SERAC1: variants seen among roughly 807,000 people sequenced by gnomAD.
SERAC1 encodes protein SERAC1.
A neutral mutation model predicts 85.7 loss-of-function variants in SERAC1; 36 were observed. That is an observed-to-expected ratio of 0.42 (90% CI 0.32 to 0.55). SERAC1 has a LOEUF of 0.55. SERAC1 is among the 20% of genes least tolerant of loss of function. SERAC1 has a pLI of 0.11. For synonymous variants in SERAC1, 242 were observed against 265.3 expected (o/e 0.91, Z 0.85); for missense variants, 629 against 796.2 (o/e 0.79, Z 2.53).
chr6:158,165,128 T>A (rs187126315), intron 1 of SERAC1, among the ~76,000 whole-genome samples: 1 of 152,174 alleles, frequency 6.6e-6, no homozygotes, highest in Non-Finnish European at 1.5e-5. Context: ...GTAACACAGC[T>A]GATTCCAACA....
At chr6:158,158,682 T>C (rs931812638) in intron 1 of SERAC1, 2 of 211,388 alleles carry the variant, frequency 9.5e-6, no homozygotes, top group Admixed American at 1.1e-4. Context: ...GTAACAAGAA[T>C]AGACAGACTA....
intron 16 of SERAC1, chr6:158,112,729 C>T (rs1323052060): frequency 6.6e-6 from 1 of 150,446 alleles, no homozygotes; most frequent in African/African-American, 2.5e-5. Context: ...ACCACCAGAA[C>T]AGCACCTAAG....
chr6:158,165,021 C>T (rs1309714372), intron 1 of SERAC1, among the ~76,000 whole-genome samples: 4 of 152,228 alleles, frequency 2.6e-5, no homozygotes, highest in East Asian at 1.9e-4. Context: ...TAGAAGAATC[C>T]GAGTCCCTGA....
Position 158,143,200 on chromosome 6 carries a change from A to C in SERAC1, c.610-16T>G. The C allele has an allele frequency of 6.2e-7, 1 of 1,608,910 alleles. No individual in the cohort carries two copies. The highest frequency in any genetic ancestry group is 8.5e-7 in the Non-Finnish European group (1 of 1,178,682). On this transcript the variant is annotated splice_polypyrimidine_tract_variant and intron_variant, in intron 7 of 16. Coordinates refer to ENST00000647468, the MANE Select transcript of SERAC1 (RefSeq NM_032861.4). ...TGGAAGAATCCTGAAATAAAAGGAAAGGAAATTCTTCATAAATACTCAACA... is the reference window on the plus strand; with the variant it reads ...TGGAAGAATCCTGAAATAAAAGGAACGGAAATTCTTCATAAATACTCAACA...
chr6:158,116,186 T>G lies in SERAC1; in HGVS notation c.1500A>C (p.Gly500=), dbSNP rs1303864766. 8.1e-6 allele frequency: 13 copies of G among 1,613,192 alleles called. No individual in the cohort carries two copies. The highest frequency in any genetic ancestry group is 1.0e-5 in the Non-Finnish European group (12 of 1,179,200). ...RPVVWISHSM[G]GLLVKKMLLE... ...TCACAAAGTTGAAGCCACACTTACC[T>G]CCCATGCTATGTGATATCCAAACCA... The change falls in exon 14 of 17, where the codon GGA becomes GGC. Residue 500 remains glycine (G), a splice_region_variant and synonymous_variant. Transcript: ENST00000647468.
intron 2 of SERAC1, among the ~76,000 whole-genome samples, chr6:158,156,986 T>C (rs1785367867): frequency 1.0e-5 from 1 of 98,004 alleles, no homozygotes; most frequent in Non-Finnish European, 2.1e-5. Flanking sequence ...ATATAATAAA[T>C]ACATATAAAC....
At chr6:158,114,392 T>TATCA (rs1784224307) in intron 15 of SERAC1, 10 of 741,040 alleles carry the variant, frequency 1.3e-5, no homozygotes, top group Non-Finnish European at 1.7e-5. Flanking sequence ...GAAAACTGCT[T>TATCA]ATCAAACCAG....
intron 16 of SERAC1, 104 bp from the exon 17 acceptor site, chr6:158,111,606 G>C (rs1182493239): frequency 1.2e-6 from 1 of 845,238 alleles, no homozygotes; most frequent in Non-Finnish European, 1.7e-6. Flanking sequence ...TGCTTTGGTT[G>C]TGACAAGGGA....
At chr6:158,135,086 A>C (rs1438278312) in intron 8 of SERAC1, among the ~76,000 whole-genome samples, 2 of 152,168 alleles carry the variant, frequency 1.3e-5, no homozygotes, top group Admixed American at 1.3e-4. Context: ...GCCAATCTAC[A>C]AACCACTGCT....
At chr6:158,123,853 G>A (rs1470290674) in intron 10 of SERAC1, among the ~76,000 whole-genome samples, 1 of 152,220 alleles carries the variant, frequency 6.6e-6, no homozygotes, top group Non-Finnish European at 1.5e-5. Flanking sequence ...GGATAAAGGG[G>A]TCTGTGGATA....
intron 3 of SERAC1, among the ~76,000 whole-genome samples, chr6:158,153,725 T>C (rs1221123593): frequency 2.6e-5 from 4 of 152,180 alleles, no homozygotes; most frequent in African/African-American, 4.8e-5. Context: ...GCACTCTGGA[T>C]TCAGAGCTTA....
intron 15 of SERAC1, chr6:158,114,538 AT>A: frequency 8.3e-7 from 1 of 1,203,866 alleles, no homozygotes; most frequent in Non-Finnish European, 1.0e-6. Flanking sequence ...TTATCTGATT[AT>A]TTTTCTAATT....
chr6:158,128,488 C>T (rs1376509002), intron 9 of SERAC1, among the ~76,000 whole-genome samples: 1 of 152,206 alleles, frequency 6.6e-6, no homozygotes, highest in Admixed American at 6.5e-5. Context: ...GAAGGCATCT[C>T]TCACCAGGAC....
At chr6:158,157,389 T>C (rs547190235) in intron 2 of SERAC1, among the ~76,000 whole-genome samples, 1 of 152,342 alleles carries the variant, frequency 6.6e-6, no homozygotes, top group African/African-American at 2.4e-5. Flanking sequence ...ACTTCTCTTT[T>C]TGTATTTAAA....
intron 13 of SERAC1, chr6:158,116,822 C>T (rs1784301582): frequency 6.5e-6 from 1 of 152,798 alleles, no homozygotes; most frequent in South Asian, 2.1e-4. Context: ...ATTAAGCTTT[C>T]ATAATTTTGG....
intron 8 of SERAC1, among the ~76,000 whole-genome samples, chr6:158,136,262 T>C (rs992850955): frequency 2.6e-5 from 4 of 152,240 alleles, no homozygotes; most frequent in Admixed American, 2.0e-4. Flanking sequence ...CATATATTAA[T>C]TATATCAGAA....
intron 7 of SERAC1, 53 bp from the exon 8 acceptor site, chr6:158,143,237 C>A: frequency 1.9e-6 from 3 of 1,566,228 alleles, no homozygotes; most frequent in Non-Finnish European, 2.6e-6. Context: ...CTGAGTACAA[C>A]AAAAAATATC....
intron 15 of SERAC1, 72 bp downstream of exon 15, chr6:158,114,717 G>GAGATAATACATTCAAGGAAT: frequency 6.7e-6 from 4 of 597,590 alleles, no homozygotes; most frequent in Non-Finnish European, 9.6e-6. Flanking sequence ...ATTCAAGGAA[G>GAGATAATACATTCAAGGAAT]AAACTTTTTC....
intron 8 of SERAC1, among the ~76,000 whole-genome samples, chr6:158,137,453 G>C (rs1784820230): frequency 6.6e-6 from 1 of 152,082 alleles, no homozygotes; most frequent in Non-Finnish European, 1.5e-5. Context: ...TTACTTAAAG[G>C]ATGGATATAT....
Sources: gnomAD v4.1 joint callset for allele counts (sites outside exome capture counted in the v4.1 genomes callset) on GRCh38, gnomAD v4.1.1 for gene constraint, MANE v1.5 for transcripts, NCBI Gene and HGNC (gene_info 2026-07-23, HGNC 2026-07-21) for gene names.